Variants in MYO3A observed in about 807,000 individuals in gnomAD.
MYO3A encodes myosin IIIA, also known as myosin-IIIa.
Under a neutral mutation model 192.7 loss-of-function variants are expected in MYO3A, and 180 were observed. The ratio of observed to expected loss-of-function variants is 0.93; its 90% CI spans 0.83 to 1.06. The LOEUF (loss-of-function observed/expected upper bound fraction) is 1.06. Ranked by LOEUF, MYO3A falls within the 50% of genes least tolerant of loss-of-function variation. The pLI, the probability that MYO3A is intolerant of heterozygous loss-of-function variation, is 0.00. For synonymous variants in MYO3A, 628 were observed against 645.3 expected, an observed-to-expected ratio of 0.97 and a Z score of 0.41; for missense variants, 1,896 against 1,905.0, an observed-to-expected ratio of 1.00 and a Z score of 0.09.
chr10:26,169,564 G>A (rs1030687134), intron 28 of MYO3A, among the ~76,000 whole-genome samples: 9 of 152,112 alleles, frequency 5.9e-5, no homozygotes, highest in African/African-American at 1.9e-4. Flanking sequence ...TTAGATGCTA[G>A]ATTTGGCCTA....
At chr10:26,010,532 C>T (rs557383788) in intron 6 of MYO3A, among the ~76,000 whole-genome samples, 13 of 131,640 alleles carry the variant, frequency 9.9e-5, no homozygotes, top group South Asian at 2.5e-4. Flanking sequence ...GGCGCAATTT[C>T]GGCTCACTGC....
At chr10:25,997,374 A>G (rs1840521879) in intron 6 of MYO3A, 116 bp downstream of exon 6, 2 of 810,808 alleles carry the variant, frequency 2.5e-6, no homozygotes, top group Non-Finnish European at 2.1e-6. Flanking sequence ...AAAAATCAGT[A>G]GTATCTTATT....
chr10:26,015,181 T>C (rs1841920453), intron 6 of MYO3A, among the ~76,000 whole-genome samples: 2 of 151,828 alleles, frequency 1.3e-5, no homozygotes, highest in African/African-American at 4.9e-5. Context: ...ATTATTGCTC[T>C]TTCTATTAGC....
intron 6 of MYO3A, among the ~76,000 whole-genome samples, chr10:25,997,721 C>A (rs944479205): frequency 6.6e-6 from 1 of 152,156 alleles, no homozygotes; most frequent in Admixed American, 6.5e-5. Flanking sequence ...GCATGTCATA[C>A]AGTGATGCCG....
intron 4 of MYO3A, among the ~76,000 whole-genome samples, chr10:25,982,897 G>A (rs756664805): frequency 3.3e-5 from 5 of 151,876 alleles, no homozygotes; most frequent in Non-Finnish European, 7.4e-5. Context: ...CTTTAACACC[G>A]CCAAAAGATC....
In MYO3A at chr10:26,153,911, A is replaced by G. The variant is rs2131909222; in HGVS notation, c.2697A>G (p.Lys899=). ...VINYQMRTSE[K]LINLAKGDTG... is the part of the protein sequence containing the mutation. Reference sequence around the variant, plus strand: ...ACTATCAAATGAGGACTTCAGAAAAATTAATCAACCTGGCAAAGGTAAGAA... The same window carrying G: ...ACTATCAAATGAGGACTTCAGAAAAGTTAATCAACCTGGCAAAGGTAAGAA... Residue 899 remains lysine (K), a synonymous_variant, in exon 24 of 35, where the codon AAA becomes AAG. Transcript: ENST00000642920. 3 of 1,594,270 alleles carry G rather than the reference A, an allele frequency of 1.9e-6. No individual in the cohort carries two copies. Among genetic ancestry groups the G allele is most frequent in the Non-Finnish European group, 2.6e-6 (3 of 1,162,260 alleles).
chr10:26,062,466 G>A (rs1415307143), intron 10 of MYO3A, among the ~76,000 whole-genome samples: 4 of 134,170 alleles, frequency 3.0e-5, no homozygotes, highest in African/African-American at 1.1e-4. Context: ...GCAGTGAGCC[G>A]AGATCACACC....
chr10:26,097,085 T>C (rs565754615), intron 17 of MYO3A, among the ~76,000 whole-genome samples: 6 of 152,056 alleles, frequency 3.9e-5, no homozygotes, highest in South Asian at 2.1e-4. Flanking sequence ...CAGTGACCTT[T>C]AGTATATTCA....
At chr10:26,162,468 T>C (rs1309625909) in intron 26 of MYO3A, among the ~76,000 whole-genome samples, 1 of 152,248 alleles carries the variant, frequency 6.6e-6, no homozygotes, top group Non-Finnish European at 1.5e-5. Context: ...AATCTCTCAT[T>C]TATGATTTCC....
chr10:25,954,218 TTAA>T (rs1837391315), intron 3 of MYO3A, among the ~76,000 whole-genome samples: 1 of 152,156 alleles, frequency 6.6e-6, no homozygotes, highest in Non-Finnish European at 1.5e-5. Flanking sequence ...AAAAGCAGTA[TTAA>T]TAAGGCTTTC....
intron 2 of MYO3A, among the ~76,000 whole-genome samples, chr10:25,936,734 T>TA (rs1174454648): frequency 6.6e-6 from 1 of 152,244 alleles, no homozygotes; most frequent in Non-Finnish European, 1.5e-5. Context: ...ACCATGAACT[T>TA]AAACATTATG....
rs556866855 is a variant in MYO3A at position 26,040,121 on chromosome 10, G to A, written c.953+13589G>A. ...GAATTTTTTCAATTTCCTTCTTAAT[G>A]TCTTCATTGACCCATTGGTTGTTTA... On this transcript the variant is annotated intron_variant, in intron 10 of 34. Transcript: ENST00000642920. Among the ~76,000 whole-genome samples the A allele has an allele frequency of 2.6e-4, 39 of 147,826 alleles. No homozygotes were observed. In the South Asian group the frequency reaches 8.3e-3, roughly 32 times the overall value.
At chr10:26,071,521 G>A in intron 14 of MYO3A, among the ~76,000 whole-genome samples, 1 of 152,200 alleles carries the variant, frequency 6.6e-6, no homozygotes, top group Middle Eastern at 3.4e-3. Flanking sequence ...TTTATACATG[G>A]AAAAATTTGA....
intron 23 of MYO3A, among the ~76,000 whole-genome samples, chr10:26,148,221 C>G (rs1840590283): frequency 6.6e-6 from 1 of 152,132 alleles, no homozygotes; most frequent in South Asian, 2.1e-4. Context: ...TATAATCCTT[C>G]CCTCCAAACC....
Position 26,153,887 on chromosome 10 carries a change from C to T in MYO3A, c.2673C>T (p.Asn891=). 1 of 1,595,652 alleles carries T rather than the reference C, an allele frequency of 6.3e-7. No homozygotes were observed. The highest frequency in any genetic ancestry group is 8.6e-7 in the Non-Finnish European group (1 of 1,163,578). ...LPHSKTKNVI[N]YQMRTSEKLI... is the part of the protein sequence containing the mutation. ...ATTCTAAAACTAAAAATGTTATAAA[C>T]TATCAAATGAGGACTTCAGAAAAAT... The change falls in exon 24 of 35, where the codon AAC becomes AAT. Residue 891 remains asparagine, a synonymous_variant. Transcript: ENST00000642920.
At chr10:25,978,037 C>A (rs572807005) in intron 4 of MYO3A, among the ~76,000 whole-genome samples, 225 of 151,848 alleles carry the variant, frequency 1.5e-3, no homozygotes, top group African/African-American at 5.2e-3. Flanking sequence ...GTATAGCAAA[C>A]GATGTAGTAG....
intron 22 of MYO3A, among the ~76,000 whole-genome samples, chr10:26,147,167 A>G (rs992405148): frequency 6.6e-6 from 1 of 152,200 alleles, no homozygotes; most frequent in Non-Finnish European, 1.5e-5. Flanking sequence ...CAAATTCCTA[A>G]TGTAATAAAT....
intron 10 of MYO3A, among the ~76,000 whole-genome samples, chr10:26,061,925 A>G (rs1423878669): frequency 6.6e-6 from 1 of 152,218 alleles, no homozygotes; most frequent in Admixed American, 6.5e-5. Context: ...TAAAAAGAAT[A>G]TATCAAAAAT....
chr10:26,186,502 G>A (rs555999810), intron 31 of MYO3A, among the ~76,000 whole-genome samples: 7 of 152,212 alleles, frequency 4.6e-5, no homozygotes, highest in African/African-American at 1.2e-4. Flanking sequence ...TCCTGACCTC[G>A]TGATCTGCCC....
Sources: gnomAD v4.1 joint callset for allele counts (sites outside exome capture counted in the v4.1 genomes callset) on GRCh38, gnomAD v4.1.1 for gene constraint, MANE v1.5 for transcripts, NCBI Gene and HGNC (gene_info 2026-07-23, HGNC 2026-07-21) for gene names.